DLGAP2: variants seen among roughly 807,000 people sequenced by gnomAD.
The protein encoded by DLGAP2 is disks large-associated protein 2.
Under a neutral mutation model 100.3 loss-of-function variants are expected in DLGAP2, and 26 were observed. The ratio of observed to expected loss-of-function variants is 0.26; its 90% CI spans 0.19 to 0.36. The LOEUF (loss-of-function observed/expected upper bound fraction) is 0.36. Among genes scored for constraint, DLGAP2 ranks in the 10% least tolerant of loss-of-function variants. DLGAP2 has a pLI of 1.00. For synonymous variants in DLGAP2, 886 were observed against 630.1 expected (o/e 1.41, Z -6.08); for missense variants, 1,858 against 1,453.2 (o/e 1.28, Z -4.53).
chr8:1,493,749 C>T (rs930274526), intron 3 of DLGAP2, among the ~76,000 whole-genome samples: 6 of 152,208 alleles, frequency 3.9e-5, no homozygotes, highest in Admixed American at 2.6e-4. Flanking sequence ...CCCTGGGCAG[C>T]GGCTGGCTCC....
intron 3 of DLGAP2, among the ~76,000 whole-genome samples, chr8:1,291,038 G>T (rs1304595901): frequency 6.6e-6 from 1 of 152,098 alleles, no homozygotes; most frequent in Non-Finnish European, 1.5e-5. Flanking sequence ...TGAAACAAAA[G>T]GTCTATAGGC....
intron 2 of DLGAP2, among the ~76,000 whole-genome samples, chr8:1,186,711 T>C (rs1797512627): frequency 6.6e-6 from 1 of 152,190 alleles, no homozygotes; most frequent in Non-Finnish European, 1.5e-5. Context: ...GCTGATATTC[T>C]GTTGTGAATA....
intron 2 of DLGAP2, among the ~76,000 whole-genome samples, chr8:1,191,224 T>G (rs1364902571): frequency 2.4e-5 from 3 of 123,294 alleles, no homozygotes; most frequent in Non-Finnish European, 3.5e-5. Context: ...CAGGCTGGAG[T>G]ACAGTGGCGC....
At chr8:887,067 A>G (rs1257915432) in intron 1 of DLGAP2, among the ~76,000 whole-genome samples, 1 of 152,218 alleles carries the variant, frequency 6.6e-6, no homozygotes, top group African/African-American at 2.4e-5. Flanking sequence ...TTGGGTGCGT[A>G]TATATTCAGA....
intron 6 of DLGAP2, among the ~76,000 whole-genome samples, chr8:1,582,128 T>C (rs1803296353): frequency 7.2e-6 from 1 of 139,718 alleles, no homozygotes; most frequent in African/African-American, 2.8e-5. Context: ...AAGTGAAGGA[T>C]ACAGATAAAA....
intron 5 of DLGAP2, among the ~76,000 whole-genome samples, chr8:1,564,386 C>G (rs1802309697): frequency 6.6e-6 from 1 of 152,122 alleles, no homozygotes; most frequent in Admixed American, 6.6e-5. Flanking sequence ...CATGGTTTAC[C>G]CTCCCCTCAG....
chr8:1,370,037 T>A (rs1417737413), intron 3 of DLGAP2, among the ~76,000 whole-genome samples: 1 of 152,102 alleles, frequency 6.6e-6, no homozygotes, highest in East Asian at 1.9e-4. Flanking sequence ...TCCTCCCCAG[T>A]TGCGGTCCAG....
chr8:1,255,119 C>T (rs1268904935), intron 2 of DLGAP2, among the ~76,000 whole-genome samples: 4 of 142,806 alleles, frequency 2.8e-5, no homozygotes, highest in African/African-American at 1.1e-4. Context: ...GTGTGTGTGT[C>T]CTCTCCTGCC....
At chr8:761,728 G>A (rs1212976527) in intron 1 of DLGAP2, among the ~76,000 whole-genome samples, 10 of 152,144 alleles carry the variant, frequency 6.6e-5, no homozygotes, top group Non-Finnish European at 1.2e-4. Context: ...CCCGAAACGC[G>A]GAGCCAGCTC....
intron 10 of DLGAP2, among the ~76,000 whole-genome samples, chr8:1,671,614 G>C (rs530844947): frequency 2.6e-5 from 4 of 152,170 alleles, no homozygotes; most frequent in African/African-American, 9.7e-5. Flanking sequence ...TTGAATTCAG[G>C]ATTCTCATTA....
At chr8:1,155,689 C>A (rs1295241662) in intron 2 of DLGAP2, among the ~76,000 whole-genome samples, 1 of 152,164 alleles carries the variant, frequency 6.6e-6, no homozygotes. Context: ...CCCCCAGGCC[C>A]CTCCGAGGCT....
chr8:1,008,894 C>G (rs1358151976), intron 2 of DLGAP2, among the ~76,000 whole-genome samples: 6 of 152,244 alleles, frequency 3.9e-5, no homozygotes, highest in Non-Finnish European at 7.3e-5. Context: ...CACATGGCCC[C>G]TTCTGACACC....
At chr8:849,036 CCTGTTCCAGTATAGGATGTGCCGTGT>C (rs910378431) in intron 1 of DLGAP2, among the ~76,000 whole-genome samples, 11 of 151,680 alleles carry the variant, frequency 7.3e-5, no homozygotes, top group South Asian at 2.1e-4. Context: ...ATGTGCGGTG[CCTGTTCCAGTATAGGATGTGCCGTGT>C]CTGTTCCAGT....
At chr8:1,672,242 T>TTC (rs1554428107) in intron 10 of DLGAP2, among the ~76,000 whole-genome samples, 22 of 150,654 alleles carry the variant, frequency 1.5e-4, no homozygotes, top group South Asian at 1.3e-3. Context: ...TTTTTTTTTT[T>TTC]TTGAGATGGA....
intron 2 of DLGAP2, among the ~76,000 whole-genome samples, chr8:1,217,731 G>T (rs1254366082): frequency 6.6e-6 from 1 of 151,908 alleles, no homozygotes; most frequent in Non-Finnish European, 1.5e-5. Flanking sequence ...ACCAGTAGTG[G>T]GAATATAAAT....
intron 2 of DLGAP2, among the ~76,000 whole-genome samples, chr8:1,085,351 T>C (rs1049443763): frequency 1.2e-4 from 19 of 152,232 alleles, no homozygotes; most frequent in African/African-American, 4.1e-4. Flanking sequence ...GGCAGAAGCC[T>C]TCTATTTGGA....
At position 1,627,016 on chromosome 8, in the gene DLGAP2, A is replaced by G; in HGVS notation, c.1590+129A>G. On this transcript the variant is annotated intron_variant, in intron 7 of 14. Coordinates refer to ENST00000637795, the MANE Select transcript of DLGAP2 (RefSeq NM_001346810.2). Reference sequence around the variant, plus strand: ...GCAGCACTTGGGCAAGGCTACACCAAAGGGGGTTCCCCTGGAATTAGCTCT... The same window carrying G: ...GCAGCACTTGGGCAAGGCTACACCAGAGGGGGTTCCCCTGGAATTAGCTCT... 2.6e-6 allele frequency: 3 copies of G among 1,153,758 alleles called. No individual in the cohort carries two copies. In the East Asian group the frequency reaches 7.8e-5, roughly 30 times the overall value. The allele number at this position is 1,153,758 out of a possible 1,614,324, so 71.5% of individuals were successfully genotyped here.
At chr8:740,233 A>G (rs1820448262) in intron 1 of DLGAP2, 1 of 152,250 alleles carries the variant, frequency 6.6e-6, no homozygotes, top group Admixed American at 6.5e-5. Context: ...CTCAGCACGA[A>G]GATGTTTTCT....
At chr8:783,678 C>G (rs1034808271) in intron 1 of DLGAP2, among the ~76,000 whole-genome samples, 3 of 152,150 alleles carry the variant, frequency 2.0e-5, no homozygotes, top group African/African-American at 7.2e-5. Context: ...AGTGATGCTT[C>G]TGCGTCTTTG....
Sources: allele counts gnomAD v4.1 joint callset (sites outside exome capture counted in the v4.1 genomes callset), GRCh38; gene constraint gnomAD v4.1.1; transcripts MANE v1.5; gene names NCBI Gene and HGNC (gene_info 2026-07-23, HGNC 2026-07-21).